Variants in RESP18 observed in about 807,000 individuals in gnomAD.
RESP18 encodes regulated endocrine-specific protein 18.
A neutral mutation model predicts 30.0 loss-of-function variants in RESP18; 30 were observed. The ratio of observed to expected loss-of-function variants is 1.00; its 90% confidence interval spans 0.75 to 1.36. The LOEUF is 1.36. RESP18 is among the 40% of genes most tolerant of loss of function. RESP18 has a pLI of 0.00. For synonymous variants in RESP18, 117 were observed against 111.2 expected, an observed-to-expected ratio of 1.05 and a Z score of -0.33; for missense variants, 320 against 284.2, an observed-to-expected ratio of 1.13 and a Z score of -0.91.
intron 1 of RESP18, 121 bp from the exon 1 acceptor site, chr2:219,332,865 G>A: frequency 2.4e-6 from 2 of 821,538 alleles, no homozygotes; most frequent in Non-Finnish European, 3.7e-6. Flanking sequence ...GGCTCCTTTC[G>A]GGCATTAGCT....
chr2:219,328,654 GGATGGGAGTACTA>G (rs972909201), intron 6 of RESP18, among the ~76,000 whole-genome samples: 1 of 152,174 alleles, frequency 6.6e-6, no homozygotes, highest in Non-Finnish European at 1.5e-5. Flanking sequence ...CTATAAAGAT[GGATGGGAGTACTA>G]GATGGGCGGT....
Position 219,332,547 on chromosome 2 carries a change from C to G in RESP18, c.209G>C (p.Gly70Ala). The G allele has an allele frequency of 6.4e-7, 1 of 1,550,968 alleles. No homozygotes were observed. Among genetic ancestry groups the G allele is most frequent in the Non-Finnish European group, 8.7e-7 (1 of 1,146,802 alleles). Residue 70 changes from glycine to alanine, a missense_variant, in exon 2 of 7, where the codon GGC (glycine) becomes GCC (alanine). Transcript: ENST00000333527. The stretch of plus-strand genomic sequence containing the variant: ...ACCGTGGGCACTAGTGTCGCTGCAG[C>G]CCCCCGGGCAGCTGTTCAGCAGCAG...
chr2:219,328,735 C>A (rs920288609), intron 6 of RESP18, among the ~76,000 whole-genome samples, 189 bp downstream of exon 5: 1 of 152,142 alleles, frequency 6.6e-6, no homozygotes, highest in African/African-American at 2.4e-5. Flanking sequence ...AGAGCCTTGC[C>A]TGGGTGACTT....
chr2:219,330,831 C>G lies in RESP18; in HGVS notation c.277G>C (p.Gly93Arg), dbSNP rs780264329. ...TGCTGGAAGACTGGGGTGGCAAATC[C>G]TTGGAGGGGCCAAAGCTGCCCCACT... The change falls in exon 3 of 7, where the codon GGA becomes CGA. Residue 93 changes from glycine to arginine, a missense_variant. Coordinates refer to ENST00000333527, the MANE Select transcript of RESP18 (RefSeq NM_001007089.4). 6.4e-7 allele frequency: 1 copy of G among 1,551,534 alleles called. No homozygotes were observed. Among genetic ancestry groups the G allele is most frequent in the South Asian group, 1.2e-5 (1 of 84,046 alleles).
At chr2:219,328,054 G>A (rs1417489136) in intron 6 of RESP18, among the ~76,000 whole-genome samples, 3 of 152,178 alleles carry the variant, frequency 2.0e-5, no homozygotes, top group Admixed American at 6.5e-5. Context: ...AAGCCACCTC[G>A]GTCTCCCTGG....
At chr2:219,328,865 A>C in intron 6 of RESP18, 59 bp downstream of exon 5, 1 of 1,095,800 alleles carries the variant, frequency 9.1e-7, no homozygotes, top group African/African-American at 1.6e-5. Flanking sequence ...TATGGCAAAA[A>C]GGACGTTTAA....
chr2:219,328,524 G>T (rs575565846), intron 6 of RESP18, among the ~76,000 whole-genome samples: 1 of 152,336 alleles, frequency 6.6e-6, no homozygotes, highest in South Asian at 2.1e-4. Flanking sequence ...GAGTGGAAGG[G>T]CAGGGACTAT....
rs1187062990 is a variant in RESP18 at position 219,332,776 on chromosome 2, C to T, written c.18-38G>A. On this transcript the variant is annotated intron_variant, in intron 1 of 6. Coordinates refer to ENST00000333527, the MANE Select transcript of RESP18 (RefSeq NM_001007089.4). ...CCTCGGCAGTTCAGCCAATCGTGAG[C>T]GGGCCCTGCCCCTGCGGTCGCCTCC... The T allele has an allele frequency of 2.8e-5, 41 of 1,466,254 alleles. 1 individual carries two copies. The Admixed American group carries it at 8.5e-4, about 30-fold the overall frequency. 90.8% of individuals were successfully genotyped at this position (1,466,254 alleles called of 1,614,324 possible).
At chr2:219,329,295 G>A in intron 4 of RESP18, 43 bp from the exon 4 acceptor site, 2 of 1,551,652 alleles carry the variant, frequency 1.3e-6, no homozygotes, top group Non-Finnish European at 1.7e-6. Flanking sequence ...GGCAGAAAAG[G>A]GTGAGAGGGC....
At position 219,329,656 on chromosome 2, in the gene RESP18, A is replaced by G; in HGVS notation, c.446T>C (p.Phe149Ser). 3.9e-6 allele frequency: 6 copies of G among 1,551,468 alleles called. No individual in the cohort carries two copies. The highest frequency in any genetic ancestry group is 5.2e-6 in the Non-Finnish European group (6 of 1,146,966). ...CCTCACCTCAGTGGTTTTAGTGGGG[A>G]AAAGTGCCTTCCCATCCTTCAGGCA... Residue 149 changes from phenylalanine (F) to serine (S), a missense_variant, in exon 4 of 7, where the codon TTC becomes TCC. Coordinates refer to ENST00000333527, the MANE Select transcript of RESP18 (RefSeq NM_001007089.4).
Position 219,328,914 on chromosome 2 carries a change from C to T in RESP18, c.640+10G>A. On this transcript the variant is annotated intron_variant, in intron 6 of 6. Transcript: ENST00000333527. ...GCTGTTTCAATGCCTATTTTAAACT[C>T]AATACTTACGCATGATCTTATAGAT... 6.5e-7 allele frequency: 1 copy of T among 1,537,274 alleles called. No individual in the cohort carries two copies. The highest frequency in any genetic ancestry group is 8.8e-7 in the Non-Finnish European group (1 of 1,134,728).
At chr2:219,330,935 G>A (rs1952824373) in intron 2 of RESP18, 60 bp from the exon 2 acceptor site, 1 of 989,574 alleles carries the variant, frequency 1.0e-6, no homozygotes, top group Non-Finnish European at 1.6e-6. Flanking sequence ...CATCCCAGTT[G>A]AAGAGAAGCA....
intron 4 of RESP18, 146 bp from the exon 4 acceptor site, chr2:219,329,398 C>T (rs1422850691): frequency 6.4e-7 from 1 of 1,551,300 alleles, no homozygotes; most frequent in South Asian, 1.2e-5. Flanking sequence ...TGAAGTTTCT[C>T]CTCTTGCTAG....
intron 5 of RESP18, 62 bp from the exon 5 acceptor site, chr2:219,329,070 G>C (rs1024762904): frequency 6.8e-7 from 1 of 1,476,346 alleles, no homozygotes; most frequent in Admixed American, 2.0e-5. Context: ...TTTCTGCAGC[G>C]ATCTGCCCTC....
chr2:219,332,923 A>G (rs890616725), intron 1 of RESP18, among the ~76,000 whole-genome samples, 179 bp from the exon 1 acceptor site: 2 of 152,042 alleles, frequency 1.3e-5, no homozygotes, highest in Non-Finnish European at 2.9e-5. Flanking sequence ...GGCTGCAGAA[A>G]CGGATGGCAC....
intron 3 of RESP18, among the ~76,000 whole-genome samples, chr2:219,330,408 CAG>C (rs1490011587): frequency 6.6e-6 from 1 of 152,204 alleles, no homozygotes; most frequent in African/African-American, 2.4e-5. Context: ...ATTTCCTACT[CAG>C]AGGCTGAAGT....
rs1360270745 is a variant in RESP18 at position 219,329,659 on chromosome 2, A to G, written c.443T>C (p.Leu148Pro). Residue 148 changes from leucine (L) to proline (P), a missense_variant, in exon 4 of 7, where the codon CTT (leucine) becomes CCT (proline). Coordinates refer to ENST00000333527, the MANE Select transcript of RESP18 (RefSeq NM_001007089.4). Reference sequence around the variant, plus strand: ...CACCTCAGTGGTTTTAGTGGGGAAAAGTGCCTTCCCATCCTTCAGGCATGG... The same window carrying G: ...CACCTCAGTGGTTTTAGTGGGGAAAGGTGCCTTCCCATCCTTCAGGCATGG... 6.4e-7 allele frequency: 1 copy of G among 1,551,564 alleles called. No homozygotes were observed. Among genetic ancestry groups the G allele is most frequent in the African/African-American group, 1.4e-5 (1 of 73,150 alleles).
chr2:219,328,574 G>T (rs936768548), intron 6 of RESP18, among the ~76,000 whole-genome samples: 1 of 152,238 alleles, frequency 6.6e-6, no homozygotes, highest in African/African-American at 2.4e-5. Flanking sequence ...CCTGGGTCCA[G>T]TCTTGGCTCT....
intron 3 of RESP18, among the ~76,000 whole-genome samples, 166 bp downstream of exon 2, chr2:219,330,605 C>A (rs1209220779): frequency 6.6e-6 from 1 of 151,522 alleles, no homozygotes; most frequent in African/African-American, 2.4e-5. Flanking sequence ...TCCACCCATC[C>A]AGATCCCACT....
Sources: gnomAD v4.1 joint callset for allele counts (sites outside exome capture counted in the v4.1 genomes callset) on GRCh38, gnomAD v4.1.1 for gene constraint, MANE v1.5 for transcripts, NCBI Gene and HGNC (gene_info 2026-07-23, HGNC 2026-07-21) for gene names.